Variants in RBFOX3 observed in about 807,000 individuals in gnomAD.
RBFOX3 encodes the protein RNA binding protein fox-1 homolog 3.
RBFOX3 carries 17 observed loss-of-function variants against 48.7 expected under a neutral mutation model. The ratio of observed to expected loss-of-function variants is 0.35; its 90% CI spans 0.24 to 0.52. The LOEUF (loss-of-function observed/expected upper bound fraction) is 0.52, where lower values mean the gene tolerates loss of function less well. Among genes scored for constraint, RBFOX3 ranks in the 20% least tolerant of loss-of-function variants. RBFOX3 has a pLI of 0.94. For missense variants in RBFOX3, 382 were observed against 497.5 expected, an observed-to-expected ratio of 0.77 and a Z score of 2.21; for synonymous variants, 212 against 209.5, an observed-to-expected ratio of 1.01 and a Z score of -0.10.
rs560588111 is a variant in RBFOX3 at position 79,198,529 on chromosome 17, A to T, written c.-34+37237T>A. On this transcript the variant is annotated intron_variant, in intron 4 of 14. Coordinates refer to ENST00000693108, the MANE Select transcript of RBFOX3 (RefSeq NM_001350451.2). This position sits in a 1 kb window ranked among gnomAD's most constrained non-coding sequence, Gnocchi z 8.2. ...ACAGCTGGAGACTGAGGCTTGGAGAAGTTCACAGACTTTCCAGGATGTATT... is the reference window on the plus strand; with the variant it reads ...ACAGCTGGAGACTGAGGCTTGGAGATGTTCACAGACTTTCCAGGATGTATT... Among the ~76,000 whole-genome samples, 1 of 152,354 alleles carries T rather than the reference A, an allele frequency of 6.6e-6. No individual in the cohort carries two copies. Among genetic ancestry groups the T allele is most frequent in the African/African-American group, 2.4e-5 (1 of 41,582 alleles).
At chr17:79,613,367 G>T (rs2093982262), upstream of RBFOX3, among the ~76,000 whole-genome samples, 1 of 152,264 alleles carries the variant, frequency 6.6e-6, no homozygotes, top group Non-Finnish European at 1.5e-5. Context: ...GCCCCAGAGA[G>T]TTTGCCCTTC....
At chr17:79,119,360 GGA>G (rs1365994305) in intron 4 of RBFOX3, among the ~76,000 whole-genome samples, 1 of 152,192 alleles carries the variant, frequency 6.6e-6, no homozygotes, top group Non-Finnish European at 1.5e-5. Context: ...CTCATTGAGT[GGA>G]CACTTCCCCC....
At chr17:79,455,271 C>G (rs8069280) in intron 2 of RBFOX3, among the ~76,000 whole-genome samples, 1 of 151,794 alleles carries the variant, frequency 6.6e-6, no homozygotes, top group Non-Finnish European at 1.5e-5. Context: ...GACGGGGGAG[C>G]GGAGAGGGGG....
intron 4 of RBFOX3, among the ~76,000 whole-genome samples, chr17:79,178,742 G>C (rs2051173152): frequency 6.6e-6 from 1 of 152,196 alleles, no homozygotes. Context: ...TCAAAGCAAG[G>C]ACCAAGTGCC....
intron 2 of RBFOX3, among the ~76,000 whole-genome samples, chr17:79,457,712 C>T (rs9905474): frequency 0.044 from 6,721 of 152,306 alleles, 466 homozygotes; most frequent in African/African-American, 0.15. Context: ...GCTGTCCCCG[C>T]GATGTCCCTG....
chr17:79,100,443 A>G (rs562280855), intron 9 of RBFOX3: 2 of 152,308 alleles, frequency 1.3e-5, no homozygotes, highest in African/African-American at 4.8e-5. Context: ...GGCCATGAGA[A>G]TCAAGTCTAA....
intron 4 of RBFOX3, among the ~76,000 whole-genome samples, chr17:79,143,415 C>T (rs78205828): frequency 1.3e-5 from 2 of 151,022 alleles, no homozygotes; most frequent in East Asian, 3.9e-4. Flanking sequence ...TCAGGCATTT[C>T]TCCTTCTCCA....
intron 3 of RBFOX3, among the ~76,000 whole-genome samples, chr17:79,282,393 AG>A (rs2070767901): frequency 6.6e-6 from 1 of 152,200 alleles, no homozygotes; most frequent in African/African-American, 2.4e-5. Flanking sequence ...TTTTTAGAAA[AG>A]GGTTCTTTTC....
intron 1 of RBFOX3, among the ~76,000 whole-genome samples, chr17:79,506,798 G>T (rs1022854007): frequency 9.8e-5 from 15 of 152,304 alleles, no homozygotes; most frequent in African/African-American, 3.6e-4. Flanking sequence ...GCAGAGGAGC[G>T]GCGGCCGCTT....
intron 13 of RBFOX3, among the ~76,000 whole-genome samples, chr17:79,094,749 G>A (rs934781788): frequency 7.0e-6 from 1 of 143,492 alleles, no homozygotes; most frequent in African/African-American, 2.5e-5. Context: ...CTCTCAATAT[G>A]CCCACAGTGT....
intron 1 of RBFOX3, among the ~76,000 whole-genome samples, chr17:79,514,295 A>C (rs982073819): frequency 6.6e-6 from 1 of 152,110 alleles, no homozygotes; most frequent in Admixed American, 6.5e-5. Flanking sequence ...CTACATTCAG[A>C]ACATGCACCT....
intron 4 of RBFOX3, among the ~76,000 whole-genome samples, chr17:79,137,862 C>T (rs1447883617): frequency 6.6e-6 from 1 of 152,216 alleles, no homozygotes; most frequent in Non-Finnish European, 1.5e-5. Flanking sequence ...CATTTCCTCC[C>T]GGGTAATTGA....
chr17:79,232,755 T>C (rs1212151759), intron 4 of RBFOX3, among the ~76,000 whole-genome samples: 5 of 152,152 alleles, frequency 3.3e-5, no homozygotes, highest in Non-Finnish European at 7.4e-5. Context: ...CAAATAACCA[T>C]ACGAATAGAT....
At chr17:79,318,452 G>C (rs1028158206) in intron 2 of RBFOX3, among the ~76,000 whole-genome samples, 2 of 152,178 alleles carry the variant, frequency 1.3e-5, no homozygotes, top group Non-Finnish European at 2.9e-5. Flanking sequence ...CCCCCTCTCA[G>C]CAATGCAGTT....
At chr17:79,098,290 TC>T (rs2075774253) in intron 9 of RBFOX3, 1 of 154,232 alleles carries the variant, frequency 6.5e-6, no homozygotes. Context: ...CCTCCCGTCC[TC>T]ATCTTCCCCC....
intron 1 of RBFOX3, among the ~76,000 whole-genome samples, chr17:79,546,903 C>T (rs1220985776): frequency 6.6e-6 from 1 of 151,830 alleles, no homozygotes; most frequent in African/African-American, 2.4e-5. Flanking sequence ...CTCCCAACTT[C>T]AGGTGATCCA....
chr17:79,111,365 C>T lies in RBFOX3; in HGVS notation c.222+4129G>A, dbSNP rs2031402232. On this transcript the variant is annotated intron_variant, in intron 5 of 14. Coordinates refer to ENST00000693108, the MANE Select transcript of RBFOX3 (RefSeq NM_001350451.2). This position sits in a 1 kb window ranked among gnomAD's most constrained non-coding sequence, Gnocchi z 4.2. ...GCTCTGGAAAACACCAGTCTCATCC[C>T]GTCTCCCTCTACCTGGCTGGCCCTC... is the stretch of plus-strand genomic sequence containing the variant. Among the ~76,000 whole-genome samples the T allele has an allele frequency of 6.6e-6, 1 of 152,136 alleles. No individual in the cohort carries two copies. Among genetic ancestry groups the T allele is most frequent in the African/African-American group, 2.4e-5 (1 of 41,438 alleles).
chr17:79,602,645 G>C (rs1161375195), intron 1 of RBFOX3, among the ~76,000 whole-genome samples: 1 of 152,218 alleles, frequency 6.6e-6, no homozygotes, highest in Non-Finnish European at 1.5e-5. Context: ...ACTCCAGAAA[G>C]AATAAAAGCA....
intron 1 of RBFOX3, chr17:79,516,085 TCCGAGAGAGAGAGG>T (rs2085212867): frequency 2.8e-4 from 43 of 151,242 alleles, no homozygotes; most frequent in African/African-American, 9.2e-4. Context: ...GAGCAGAGAG[TCCGAGAGAGAGAGG>T]CAGAGAGAGC....
Sources: allele counts gnomAD v4.1 joint callset (sites outside exome capture counted in the v4.1 genomes callset), GRCh38; gene constraint gnomAD v4.1.1; non-coding constraint Gnocchi (gnomAD v3.1); transcripts MANE v1.5; gene names NCBI Gene and HGNC (gene_info 2026-07-23, HGNC 2026-07-21).